The following ADSL variants were observed in gnomAD, a reference collection of about 807,000 sequenced individuals.
ADSL encodes the protein adenylosuccinate lyase.
In ADSL, 44 loss-of-function variants were observed where a neutral mutation model predicts 62.1. The observed-to-expected ratio is 0.71, with a 90% CI of 0.56 to 0.91. The LOEUF (loss-of-function observed/expected upper bound fraction) is 0.91, where lower values mean the gene tolerates loss of function less well. ADSL is among the 40% of genes least tolerant of loss of function. The pLI is 0.00. For missense variants in ADSL, 531 were observed against 627.4 expected (o/e 0.85, Z 1.64); for synonymous variants, 198 against 220.5 (o/e 0.90, Z 0.90).
chr22:40,355,655 A>G (rs2044525682), intron 4 of ADSL, among the ~76,000 whole-genome samples: 1 of 152,186 alleles, frequency 6.6e-6, no homozygotes, highest in African/African-American at 2.4e-5. Context: ...CTTTTTGGCT[A>G]CTATGAATAA....
chr22:40,347,331 G>A (rs1054124574), intron 1 of ADSL: 1 of 152,514 alleles, frequency 6.6e-6, no homozygotes, highest in African/African-American at 2.4e-5. Flanking sequence ...CCTCCGCTTT[G>A]CCTCTTAGGA....
At position 40,377,679 on chromosome 22, in the gene ADSL, A is replaced by C. The variant is rs183830173; in HGVS notation, c.89+11181A>C. On this transcript the variant is annotated intron_variant, in intron 2 of 2. Transcript: ENST00000498234. ...AATGGGAACCTGTCTCTACAAAAAA[A>C]AACTTTAAAAATTATAAATAGCTGG... is the stretch of plus-strand genomic sequence containing the variant. 4.4e-3 allele frequency among the ~76,000 whole-genome samples: 667 copies of C among 152,162 alleles called. 2 individuals carry two copies. Among genetic ancestry groups the C allele is most frequent in the Non-Finnish European group, 8.0e-3 (542 of 67,998 alleles).
intron 9 of ADSL, 99 bp from the exon 10 acceptor site, chr22:40,362,882 C>T (rs2044847546): frequency 9.1e-7 from 1 of 1,099,966 alleles, no homozygotes; most frequent in Admixed American, 1.7e-5. Context: ...AGGAGATTAT[C>T]CAGAGAGTAC....
In ADSL at chr22:40,387,481, C is replaced by T. The variant is rs192173061; in HGVS notation, c.90-2749C>T. The stretch of plus-strand genomic sequence containing the variant: ...GTGTAAACTATATTTATGATCTCCT[C>T]TTAGGTGCCCTAATCTCCTATGTTA... On this transcript the variant is annotated intron_variant, in intron 2 of 2. Transcript: ENST00000498234. 41 of 327,972 alleles carry T rather than the reference C, an allele frequency of 1.3e-4. No homozygotes were observed. The Admixed American group carries it at 1.6e-3, about 13-fold the overall frequency. 20.3% of individuals were successfully genotyped at this position (327,972 alleles called of 1,614,324 possible).
At chr22:40,362,251 T>A (rs1569100592) in intron 9 of ADSL, among the ~76,000 whole-genome samples, 2 of 152,372 alleles carry the variant, frequency 1.3e-5, no homozygotes, top group African/African-American at 2.4e-5. Flanking sequence ...TCTCGCCTGC[T>A]CGCATTTTGC....
At position 40,362,187 on chromosome 22, in the gene ADSL, T is replaced by C. The variant is rs79643305; in HGVS notation, c.1010+552T>C. On this transcript the variant is annotated intron_variant, in intron 9 of 12. Coordinates refer to ENST00000623063, the MANE Select transcript of ADSL (RefSeq NM_000026.4). ...TGTAACTACTGTTGAGGTGCCAACATGCGCATCATTTTCTGTTTTATGTAT... is the reference window on the plus strand; with the variant it reads ...TGTAACTACTGTTGAGGTGCCAACACGCGCATCATTTTCTGTTTTATGTAT... Among the ~76,000 whole-genome samples, 555 of 152,324 alleles carry C rather than the reference T, an allele frequency of 3.6e-3. 5 individuals carry two copies. Among genetic ancestry groups the C allele is most frequent in the Middle Eastern group, 0.014 (4 of 294 alleles).
Position 40,366,603 on chromosome 22 carries a change from C to G in ADSL, c.*81C>G. The G allele has an allele frequency of 3.9e-6, 4 of 1,025,234 alleles. No individual in the cohort carries two copies. The highest frequency in any genetic ancestry group is 6.1e-6 in the Non-Finnish European group (4 of 654,684). 63.5% of individuals were successfully genotyped at this position (1,025,234 alleles called of 1,614,324 possible). ...GTTACTATAATGCCTTATTTTACCT[C>G]GAGAATTGTTACCTTAAATTAGTAC... On this transcript the variant is annotated 3_prime_UTR_variant, in exon 13 of 13. Coordinates refer to ENST00000623063, the MANE Select transcript of ADSL (RefSeq NM_000026.4).
Position 40,367,942 on chromosome 22 carries a change from G to A in ADSL, c.*1420G>A, listed in dbSNP as rs967842284. The A allele has an allele frequency of 2.0e-5, 3 of 152,176 alleles. No individual in the cohort carries two copies. Among genetic ancestry groups the A allele is most frequent in the African/African-American group, 7.2e-5 (3 of 41,444 alleles). 9.4% of individuals were successfully genotyped at this position (152,176 alleles called of 1,614,324 possible). A position where few individuals can be genotyped will look rare whatever the true frequency, so the allele number is the denominator to read the frequency against. On this transcript the variant is annotated 3_prime_UTR_variant, in exon 13 of 13. Transcript: ENST00000623063. The stretch of plus-strand genomic sequence containing the variant: ...GAAGACTGTTTTAGGAGGTGTTAAT[G>A]GTTGTCCAGTGCCCAAAAAGCCACC...
intron 2 of ADSL, chr22:40,350,325 A>T (rs2044297941): frequency 5.6e-6 from 2 of 357,822 alleles, no homozygotes; most frequent in South Asian, 4.9e-5. Flanking sequence ...ATGGGGTTTC[A>T]CCATGTTAGC....
chr22:40,382,166 C>G (rs1187178799), intron 2 of ADSL, among the ~76,000 whole-genome samples: 1 of 152,006 alleles, frequency 6.6e-6, no homozygotes, highest in Non-Finnish European at 1.5e-5. Flanking sequence ...ACTCATCAAT[C>G]TGAAAAAGTA....
At chr22:40,370,974 C>T (rs2045324375), downstream of ADSL, among the ~76,000 whole-genome samples, 1 of 152,228 alleles carries the variant, frequency 6.6e-6, no homozygotes, top group African/African-American at 2.4e-5. Context: ...GGGCGCCAGC[C>T]GGAATCCACC....
At position 40,358,942 on chromosome 22, in the gene ADSL, G is replaced by C; in HGVS notation, c.561G>C (p.Lys187Asn). 1 of 1,614,186 alleles carries C rather than the reference G, an allele frequency of 6.2e-7. No individual in the cohort carries two copies. The highest frequency in any genetic ancestry group is 8.5e-7 in the Non-Finnish European group (1 of 1,180,046). The change falls in exon 5 of 13, where the codon AAG (lysine) becomes AAC (asparagine). Residue 187 changes from lysine to asparagine, a missense_variant. Transcript: ENST00000623063. ...QDLCMDLQNLKRVRDDLRFRG... is the reference protein window; with the variant it reads ...QDLCMDLQNLNRVRDDLRFRG... ...TTTGCATGGATCTCCAGAACTTGAA[G>C]CGTGTCCGAGATGACCTGCGCTTCC...
chr22:40,347,898 C>G (rs989309248), intron 1 of ADSL, among the ~76,000 whole-genome samples: 1 of 152,170 alleles, frequency 6.6e-6, no homozygotes, highest in Non-Finnish European at 1.5e-5. Flanking sequence ...TTGTGATGTA[C>G]TAGTGTGTAC....
At chr22:40,359,709 T>C (rs906708807) in intron 6 of ADSL, among the ~76,000 whole-genome samples, 1 of 151,992 alleles carries the variant, frequency 6.6e-6, no homozygotes, top group Non-Finnish European at 1.5e-5. Flanking sequence ...TTTTGTATAA[T>C]TTTTGTATTG....
At chr22:40,351,111 C>T (rs368727533) in intron 2 of ADSL, among the ~76,000 whole-genome samples, 1 of 152,054 alleles carries the variant, frequency 6.6e-6, no homozygotes, top group Non-Finnish European at 1.5e-5. Context: ...TCTCCCACCT[C>T]GGGCTCCTGA....
At chr22:40,353,520 G>A (rs1341673861) in intron 3 of ADSL, 1 of 657,620 alleles carries the variant, frequency 1.5e-6, no homozygotes, top group East Asian at 2.7e-5. Flanking sequence ...CTGAGCTCAA[G>A]GGATCCACCC....
At chr22:40,361,422 C>T in intron 8 of ADSL, 66 bp from the exon 9 acceptor site, 4 of 1,612,914 alleles carry the variant, frequency 2.5e-6, no homozygotes, top group Non-Finnish European at 3.4e-6. Flanking sequence ...ATTCAGCATG[C>T]TTGCCTACTC....
chr22:40,361,487 G>A lies in ADSL; in HGVS notation c.863-1G>A. ...ATCTTGTCCTTTTTTTACATGGGCA[G>A]GCTCAAGTGCGATGCCATATAAGCG... is the stretch of plus-strand genomic sequence containing the variant. On this transcript the variant is annotated splice_acceptor_variant, in intron 8 of 12. Coordinates refer to ENST00000623063, the MANE Select transcript of ADSL (RefSeq NM_000026.4). LOFTEE classifies it high-confidence loss of function. 6.2e-7 allele frequency: 1 copy of A among 1,614,224 alleles called. No individual in the cohort carries two copies.
intron 11 of ADSL, 193 bp from the exon 12 acceptor site, chr22:40,364,687 T>A (rs1406193024): frequency 6.0e-6 from 4 of 664,850 alleles, no homozygotes; most frequent in African/African-American, 3.6e-5. Flanking sequence ...GGGCATCCAT[T>A]TCAGGCTTGT....
Sources: allele counts gnomAD v4.1 joint callset (sites outside exome capture counted in the v4.1 genomes callset), GRCh38; gene constraint gnomAD v4.1.1; transcripts MANE v1.5; gene names NCBI Gene and HGNC (gene_info 2026-07-23, HGNC 2026-07-21).